The following ZNF787 variants were observed in gnomAD, a reference collection of about 807,000 sequenced individuals.
ZNF787 encodes zinc finger protein 787, also known as TTF-I-interacting peptide 20.
A neutral mutation model predicts 16.9 loss-of-function variants in ZNF787; 7 were observed. The observed-to-expected ratio is 0.42, with a 90% CI of 0.24 to 0.78. The LOEUF (loss-of-function observed/expected upper bound fraction) is 0.78, where lower values mean the gene tolerates loss of function less well. Among genes scored for constraint, ZNF787 ranks in the 30% least tolerant of loss-of-function variants. The pLI is 0.30. For missense variants in ZNF787, 551 were observed against 589.3 expected (o/e 0.94, Z 0.67); for synonymous variants, 345 against 270.9 (o/e 1.27, Z -2.69).
intron 2 of ZNF787, among the ~76,000 whole-genome samples, chr19:56,096,763 G>A (rs1319406611): frequency 1.3e-5 from 2 of 152,104 alleles, no homozygotes; most frequent in African/African-American, 4.8e-5. Context: ...AAAGAGAGAT[G>A]AGGGTGCACT....
At chr19:56,104,495 C>T (rs1353517363) in intron 1 of ZNF787, among the ~76,000 whole-genome samples, 1 of 151,392 alleles carries the variant, frequency 6.6e-6, no homozygotes, top group Non-Finnish European at 1.5e-5. Flanking sequence ...GCACGCCGAC[C>T]CGTGCCACGC....
At chr19:56,094,754 T>C (rs1368792548) in intron 2 of ZNF787, among the ~76,000 whole-genome samples, 1 of 151,762 alleles carries the variant, frequency 6.6e-6, no homozygotes, top group Admixed American at 6.6e-5. Flanking sequence ...ACGGACAGGG[T>C]GGGGAGGTAG....
chr19:56,093,623 C>T (rs1985748841), intron 2 of ZNF787, among the ~76,000 whole-genome samples: 1 of 152,178 alleles, frequency 6.6e-6, no homozygotes, highest in African/African-American at 2.4e-5. Context: ...TTTTAGGTTC[C>T]TCAGGAAGGG....
chr19:56,097,945 A>G (rs1985932477), intron 2 of ZNF787, among the ~76,000 whole-genome samples: 1 of 149,706 alleles, frequency 6.7e-6, no homozygotes, highest in Admixed American at 6.6e-5. Flanking sequence ...GAGAAGAGGC[A>G]TGGAGACTTT....
At chr19:56,113,681 ACCGGGACGCAGGGAGG>A (rs1274623096) in intron 1 of ZNF787, among the ~76,000 whole-genome samples, 1 of 54,740 alleles carries the variant, frequency 1.8e-5, no homozygotes, top group Non-Finnish European at 5.0e-5. Flanking sequence ...CTTCCCAGGA[ACCGGGACGCAGGGAGG>A]CAGGGAGGCA....
intron 2 of ZNF787, among the ~76,000 whole-genome samples, chr19:56,097,655 G>A (rs1282811840): frequency 1.3e-5 from 2 of 152,234 alleles, no homozygotes; most frequent in African/African-American, 4.8e-5. Flanking sequence ...AAATCCGTAC[G>A]TTTCTTTTTA....
chr19:56,096,291 T>C (rs866735524), intron 2 of ZNF787, among the ~76,000 whole-genome samples: 31 of 147,312 alleles, frequency 2.1e-4, no homozygotes, highest in African/African-American at 6.8e-4. Context: ...TGGTGGCGTG[T>C]GCCTGGAGTC....
Position 56,088,468 on chromosome 19 carries a change from A to C in ZNF787, c.704T>G (p.Ile235Ser). ...GATGCCCTCGCCATCGCCCACGGGG[A>C]TGGCGATCTCGCCGTCCGCCGCCAC... Reference protein sequence around the residue: ...EAVAADGEIAIPVGDGEGIIV... With the variant: ...EAVAADGEIASPVGDGEGIIV... The change falls in exon 3 of 3, where the codon ATC (isoleucine) becomes AGC (serine). Residue 235 changes from isoleucine (I) to serine (S), a missense_variant. Coordinates refer to ENST00000610935, the MANE Select transcript of ZNF787 (RefSeq NM_001002836.4). The surrounding 1 kb of genome is among the most constrained non-coding windows in gnomAD (Gnocchi z 8.6). The C allele has an allele frequency of 3.0e-6, 4 of 1,326,192 alleles. No homozygotes were observed. Among genetic ancestry groups the C allele is most frequent in the Non-Finnish European group, 3.8e-6 (4 of 1,039,816 alleles). The allele number at this position is 1,326,192 out of a possible 1,614,324, so 82.2% of individuals were successfully genotyped here. A position where few individuals can be genotyped will look rare whatever the true frequency, so the allele number is the denominator to read the frequency against.
Position 56,088,021 on chromosome 19 carries a change from C to G in ZNF787, c.*2G>C. The G allele has an allele frequency of 3.3e-6, 4 of 1,228,834 alleles. No individual in the cohort carries two copies. Among genetic ancestry groups the G allele is most frequent in the Non-Finnish European group, 3.1e-6 (3 of 981,686 alleles). 76.1% of individuals were successfully genotyped at this position (1,228,834 alleles called of 1,614,324 possible). A position where few individuals can be genotyped will look rare whatever the true frequency, so the allele number is the denominator to read the frequency against. On this transcript the variant is annotated 3_prime_UTR_variant, in exon 3 of 3. Coordinates refer to ENST00000610935, the MANE Select transcript of ZNF787 (RefSeq NM_001002836.4). The surrounding 1 kb of genome is among the most constrained non-coding windows in gnomAD (Gnocchi z 8.6). ...GCCCGCCCCCCCCCCCGGGCCCCTC[C>G]CCTACCGGCCCTCCCCACCGCGGCA...
chr19:56,090,203 G>A (rs755957151), intron 2 of ZNF787, among the ~76,000 whole-genome samples: 30 of 152,262 alleles, frequency 2.0e-4, no homozygotes, highest in East Asian at 9.7e-4. Flanking sequence ...TGGCAAACAC[G>A]CAAGGAAGGG....
At chr19:56,104,623 G>A (rs888130354) in intron 1 of ZNF787, among the ~76,000 whole-genome samples, 13 of 151,906 alleles carry the variant, frequency 8.6e-5, no homozygotes, top group Non-Finnish European at 1.5e-4. Flanking sequence ...CCACCAAACC[G>A]TGCCATGCAC....
rs1171296120 is a variant in ZNF787, at chr19:56,088,041, G to A, written c.1131C>T (p.Arg377=). 2.2e-6 allele frequency: 2 copies of A among 906,974 alleles called. No homozygotes were observed. Among genetic ancestry groups the A allele is most frequent in the Non-Finnish European group, 2.7e-6 (2 of 746,662 alleles). 56.2% of individuals were successfully genotyped at this position (906,974 alleles called of 1,614,324 possible). Residue 377 remains arginine, a synonymous_variant, in exon 3 of 3, where the codon CGC becomes CGT. Transcript: ENST00000610935. The surrounding 1 kb of genome is among the most constrained non-coding windows in gnomAD (Gnocchi z 8.6). ...CCCTCCCCTACCGGCCCTCCCCACC[G>A]CGGCACTCGGGGCACCGCCCGCCCG... ...EAAGGRCPEC[R]GGEGR
intron 2 of ZNF787, among the ~76,000 whole-genome samples, chr19:56,090,682 C>T (rs1985541088): frequency 1.3e-5 from 2 of 152,160 alleles, no homozygotes; most frequent in African/African-American, 2.4e-5. Context: ...ATTAGCCGGG[C>T]GTGGTGGCGC....
In ZNF787 at chr19:56,088,186, C is replaced by A; in HGVS notation, c.986G>T (p.Gly329Val). ...CTTCTTGTGTCTCCGGAGCGCGGCGCCCTGCACGAAGCCCTCCCCGCACTC... is the reference window on the plus strand; with the variant it reads ...CTTCTTGTGTCTCCGGAGCGCGGCGACCTGCACGAAGCCCTCCCCGCACTC... ...CVECGEGFVQGAALRRHKKIH... is the reference protein window; with the variant it reads ...CVECGEGFVQVAALRRHKKIH... Residue 329 changes from glycine to valine, a missense_variant, in exon 3 of 3, where the codon GGC (glycine) becomes GTC (valine). Gly to Val is a moderately radical substitution (Grantham distance 109, BLOSUM62 -3). This residue lies in a region of ZNF787 where 392 missense variants were observed against 312.7 expected (regional missense o/e 1.25). Coordinates refer to ENST00000610935, the MANE Select transcript of ZNF787 (RefSeq NM_001002836.4). The surrounding 1 kb of genome is among the most constrained non-coding windows in gnomAD (Gnocchi z 8.6). 1 of 1,544,248 alleles carries A rather than the reference C, an allele frequency of 6.5e-7. No individual in the cohort carries two copies. Among genetic ancestry groups the A allele is most frequent in the Non-Finnish European group, 8.7e-7 (1 of 1,151,258 alleles).
At position 56,087,957 on chromosome 19, in the gene ZNF787, T is replaced by G. The variant is rs1300568335; in HGVS notation, c.*66A>C. ...GTCCGCTTCTCCCTGGGTCTCTTGG[T>G]CTTGCACGTCGTCGCTCCCGCCAAG... On this transcript the variant is annotated 3_prime_UTR_variant, in exon 3 of 3. Coordinates refer to ENST00000610935, the MANE Select transcript of ZNF787 (RefSeq NM_001002836.4). 8.5e-6 allele frequency: 11 copies of G among 1,296,782 alleles called. No homozygotes were observed. The East Asian group carries it at 3.1e-4, about 37-fold the overall frequency. 80.3% of individuals were successfully genotyped at this position (1,296,782 alleles called of 1,614,324 possible).
chr19:56,118,107 G>C (rs571857360), intron 1 of ZNF787, among the ~76,000 whole-genome samples: 47 of 152,370 alleles, frequency 3.1e-4, no homozygotes, highest in African/African-American at 9.9e-4. Flanking sequence ...GCTTGGGCTG[G>C]TTTCTCTGCA....
At chr19:56,094,611 G>A (rs143420934) in intron 2 of ZNF787, among the ~76,000 whole-genome samples, 179 of 152,044 alleles carry the variant, frequency 1.2e-3, no homozygotes, top group African/African-American at 4.2e-3. Flanking sequence ...AATCTTTGCC[G>A]AGGCTGCCCC....
chr19:56,101,414 C>T (rs772813572), intron 2 of ZNF787, among the ~76,000 whole-genome samples: 13 of 152,248 alleles, frequency 8.5e-5, no homozygotes, highest in Non-Finnish European at 7.3e-5. Context: ...CCCACAGACG[C>T]AGGGCCAGGG....
At chr19:56,101,723 A>C (rs1986105245) in intron 2 of ZNF787, 1 of 152,256 alleles carries the variant, frequency 6.6e-6, no homozygotes, top group Non-Finnish European at 1.5e-5. Flanking sequence ...CGCTGTGGAA[A>C]GAGAACCACA....
Sources: gnomAD v4.1 joint callset for allele counts (sites outside exome capture counted in the v4.1 genomes callset) on GRCh38, gnomAD v4.1.1 for gene constraint, gnomAD v4.1.1 regional missense constraint, Gnocchi (gnomAD v3.1) non-coding constraint, MANE v1.5 for transcripts, NCBI Gene and HGNC (gene_info 2026-07-23, HGNC 2026-07-21) for gene names.